The following C1GALT1 variants were observed in gnomAD, a reference collection of about 807,000 sequenced individuals.
C1GALT1 encodes core 1 synthase, glycoprotein-N-acetylgalactosamine 3-beta-galactosyltransferase 1.
A neutral mutation model predicts 31.0 loss-of-function variants in C1GALT1; 11 were observed. That is an observed-to-expected ratio of 0.36 (90% CI 0.22 to 0.59). The LOEUF (loss-of-function observed/expected upper bound fraction) is 0.59, where lower values mean the gene tolerates loss of function less well. Ranked by LOEUF, C1GALT1 falls within the 20% of genes least tolerant of loss-of-function variation. C1GALT1 has a pLI of 0.79. For synonymous variants in C1GALT1, 175 were observed against 143.6 expected, an observed-to-expected ratio of 1.22 and a Z score of -1.56; for missense variants, 424 against 425.2, an observed-to-expected ratio of 1.00 and a Z score of 0.03.
At chr7:7,239,037 G>T (rs1324341844) in intron 3 of C1GALT1, 115 bp downstream of exon 3, 1 of 853,198 alleles carries the variant, frequency 1.2e-6, no homozygotes, top group Non-Finnish European at 1.8e-6. Context: ...CTCTTCCTTA[G>T]TCTTTTTAAA....
At chr7:7,233,262 A>G (rs1319831157) in intron 1 of C1GALT1, among the ~76,000 whole-genome samples, 1 of 151,722 alleles carries the variant, frequency 6.6e-6, no homozygotes, top group African/African-American at 2.4e-5. Context: ...AGAGGTCAGC[A>G]AACTTTTTCT....
In C1GALT1 at chr7:7,182,737, C is replaced by T. The variant is rs1441200871; in HGVS notation, c.-101C>T. The T allele has an allele frequency of 1.6e-5, 15 of 928,566 alleles. No homozygotes were observed. Among genetic ancestry groups the T allele is most frequent in the Non-Finnish European group, 1.8e-5 (14 of 778,050 alleles). The allele number at this position is 928,566 out of a possible 1,614,324, so 57.5% of individuals were successfully genotyped here. ...GGCCACGAGCCACTTCTGCGGCTGC[C>T]CAGAGAAGCAAAGGTCACCAGTCCC... On this transcript the variant is annotated 5_prime_UTR_variant, in exon 1 of 4. Coordinates refer to ENST00000436587, the MANE Select transcript of C1GALT1 (RefSeq NM_020156.5).
chr7:7,218,813 T>TA (rs1233843110), intron 1 of C1GALT1, among the ~76,000 whole-genome samples: 3 of 151,978 alleles, frequency 2.0e-5, no homozygotes, highest in Non-Finnish European at 4.4e-5. Flanking sequence ...ATCAAATTGG[T>TA]ATACATCTCA....
chr7:7,241,942 T>G (rs1278905752), intron 3 of C1GALT1, among the ~76,000 whole-genome samples: 1 of 152,024 alleles, frequency 6.6e-6, no homozygotes, highest in African/African-American at 2.4e-5. Context: ...TCAAAAATAT[T>G]ATTTTACAGA....
chr7:7,206,754 C>CT (rs1225812829), intron 1 of C1GALT1, among the ~76,000 whole-genome samples: 16 of 141,436 alleles, frequency 1.1e-4, no homozygotes, highest in African/African-American at 4.4e-4. Flanking sequence ...TCATGGTTGG[C>CT]ATTTTTTTTT....
chr7:7,189,160 T>C (rs1294468135), intron 1 of C1GALT1, among the ~76,000 whole-genome samples: 1 of 152,206 alleles, frequency 6.6e-6, no homozygotes, highest in Non-Finnish European at 1.5e-5. Flanking sequence ...TAACAGCTAC[T>C]ACTATTCTAT....
chr7:7,186,868 G>T (rs913234950), intron 1 of C1GALT1, among the ~76,000 whole-genome samples: 6 of 152,190 alleles, frequency 3.9e-5, no homozygotes, highest in Non-Finnish European at 7.3e-5. Context: ...CAGAAAGAAA[G>T]GGGTGGAGTA....
At chr7:7,193,152 T>C (rs573836326) in intron 1 of C1GALT1, among the ~76,000 whole-genome samples, 1 of 152,308 alleles carries the variant, frequency 6.6e-6, no homozygotes, top group African/African-American at 2.4e-5. Flanking sequence ...CTTTTTAGTT[T>C]AATTAAGTCC....
chr7:7,186,878 A>G (rs2128230091), intron 1 of C1GALT1, among the ~76,000 whole-genome samples: 1 of 152,344 alleles, frequency 6.6e-6, no homozygotes, highest in African/African-American at 2.4e-5. Context: ...GGGGTGGAGT[A>G]GGATGCAGAT....
intron 1 of C1GALT1, among the ~76,000 whole-genome samples, chr7:7,228,030 C>T (rs1490452447): frequency 2.0e-5 from 3 of 152,172 alleles, no homozygotes; most frequent in Non-Finnish European, 4.4e-5. Flanking sequence ...GCTAGTGTGA[C>T]TCTCTGTGTC....
At chr7:7,225,727 C>G (rs1782729189) in intron 1 of C1GALT1, among the ~76,000 whole-genome samples, 2 of 152,150 alleles carry the variant, frequency 1.3e-5, no homozygotes, top group South Asian at 4.1e-4. Context: ...AATCTCTCAG[C>G]AAACATTAAC....
intron 1 of C1GALT1, among the ~76,000 whole-genome samples, chr7:7,231,714 G>GT (rs1562592253): frequency 1.3e-5 from 2 of 150,846 alleles, no homozygotes; most frequent in Admixed American, 1.3e-4. Flanking sequence ...ACTTTTTTGT[G>GT]TTTAGCCGTA....
At chr7:7,192,366 C>G (rs1039994252) in intron 1 of C1GALT1, among the ~76,000 whole-genome samples, 1 of 152,038 alleles carries the variant, frequency 6.6e-6, no homozygotes, top group East Asian at 1.9e-4. Flanking sequence ...AGCTTAGTTC[C>G]CATTTATGAG....
upstream of C1GALT1, among the ~76,000 whole-genome samples, chr7:7,179,402 G>A (rs932903956): frequency 2.6e-5 from 4 of 152,066 alleles, no homozygotes; most frequent in African/African-American, 7.2e-5. Flanking sequence ...TTTAATACAC[G>A]AAATTTAACT....
chr7:7,222,877 C>CA (rs1782569218), intron 1 of C1GALT1, among the ~76,000 whole-genome samples: 1 of 146,004 alleles, frequency 6.8e-6, no homozygotes, highest in Admixed American at 6.8e-5. Context: ...TATTATAATT[C>CA]AATCTGTATG....
intron 2 of C1GALT1, among the ~76,000 whole-genome samples, chr7:7,235,618 G>T (rs1562595402): frequency 6.6e-6 from 1 of 152,172 alleles, no homozygotes; most frequent in African/African-American, 2.4e-5. Flanking sequence ...CTGCAGGCAT[G>T]TGTATTAGAT....
chr7:7,196,112 G>A (rs774784887), intron 1 of C1GALT1, among the ~76,000 whole-genome samples: 6 of 151,938 alleles, frequency 3.9e-5, no homozygotes, highest in African/African-American at 7.3e-5. Flanking sequence ...TGTGCACAAC[G>A]TGCACGTTTG....
intron 2 of C1GALT1, among the ~76,000 whole-genome samples, chr7:7,237,145 G>A: frequency 6.6e-6 from 1 of 152,258 alleles, no homozygotes; most frequent in South Asian, 2.1e-4. Flanking sequence ...TTATATTTTA[G>A]TTTTATTTTT....
chr7:7,167,378 G>A (rs569583517), intron 2 of C1GALT1, among the ~76,000 whole-genome samples: 4 of 152,242 alleles, frequency 2.6e-5, no homozygotes, highest in East Asian at 1.9e-4. Context: ...ATAAAATAGT[G>A]TATTAAGAAT....
Sources: gnomAD v4.1 joint callset for allele counts (sites outside exome capture counted in the v4.1 genomes callset) on GRCh38, gnomAD v4.1.1 for gene constraint, MANE v1.5 for transcripts, NCBI Gene and HGNC (gene_info 2026-07-23, HGNC 2026-07-21) for gene names.